PPP2R3A: variants seen among roughly 807,000 people sequenced by gnomAD.
PPP2R3A encodes the protein serine/threonine-protein phosphatase 2A regulatory subunit B'' subunit alpha.
A neutral mutation model predicts 106.9 loss-of-function variants in PPP2R3A; 80 were observed. The observed-to-expected ratio is 0.75, with a 90% CI of 0.62 to 0.90. PPP2R3A has a LOEUF of 0.90. PPP2R3A is among the 40% of genes least tolerant of loss of function. PPP2R3A has a pLI of 0.00. For missense variants in PPP2R3A, 1,386 were observed against 1,350.4 expected (o/e 1.03, Z -0.41); for synonymous variants, 483 against 468.3 (o/e 1.03, Z -0.41).
intron 1 of PPP2R3A, among the ~76,000 whole-genome samples, chr3:135,975,177 G>A (rs1937381397): frequency 1.3e-5 from 2 of 152,190 alleles, no homozygotes; most frequent in African/African-American, 4.8e-5. Flanking sequence ...CTCACTGGGT[G>A]CTGGCAGCAG....
intron 5 of PPP2R3A, among the ~76,000 whole-genome samples, chr3:136,067,170 T>A (rs112483045): frequency 0.023 from 3,530 of 152,184 alleles, 153 homozygotes; most frequent in African/African-American, 0.079. Context: ...GTTTGAAAAT[T>A]CAGAAAAATT....
chr3:136,137,221 C>G (rs1559940982), intron 13 of PPP2R3A, among the ~76,000 whole-genome samples: 1 of 152,052 alleles, frequency 6.6e-6, no homozygotes, highest in East Asian at 1.9e-4. Context: ...CTGAGACCCT[C>G]AATAATCAGA....
At chr3:136,097,081 A>T (rs1290884165) in intron 10 of PPP2R3A, among the ~76,000 whole-genome samples, 4 of 152,248 alleles carry the variant, frequency 2.6e-5, no homozygotes, top group Admixed American at 6.5e-5. Flanking sequence ...TATAGCAGAA[A>T]TCTAACACTA....
intron 3 of PPP2R3A, among the ~76,000 whole-genome samples, chr3:136,030,761 C>CAT (rs374923726): frequency 0.072 from 7,169 of 99,796 alleles, 398 homozygotes; most frequent in East Asian, 0.11. Context: ...TATTCCATCA[C>CAT]ATATATATAT....
rs370007969 is a variant in PPP2R3A, at chr3:136,147,215, T to A, written c.*2049T>A. On this transcript the variant is annotated 3_prime_UTR_variant, in exon 14 of 14. Transcript: ENST00000264977. Reference sequence around the variant, plus strand: ...GACTCCGTCTCTACAAAAAATAAATTTAGCTGGGCATGGTGGTGCACATCT... The same window carrying A: ...GACTCCGTCTCTACAAAAAATAAATATAGCTGGGCATGGTGGTGCACATCT... 1 of 152,066 alleles carries A rather than the reference T, an allele frequency of 6.6e-6. No individual in the cohort carries two copies. Among genetic ancestry groups the A allele is most frequent in the Non-Finnish European group, 1.5e-5 (1 of 68,038 alleles). The allele number at this position is 152,066 out of a possible 1,614,324, so 9.4% of individuals were successfully genotyped here. A position where few individuals can be genotyped will look rare whatever the true frequency, so the allele number is the denominator to read the frequency against.
chr3:135,981,421 G>C (rs1246692793), intron 1 of PPP2R3A, among the ~76,000 whole-genome samples: 2 of 151,726 alleles, frequency 1.3e-5, no homozygotes, highest in African/African-American at 4.9e-5. Context: ...CTCAGAAATG[G>C]TCAGTAAGGC....
At position 136,145,056 on chromosome 3, in the gene PPP2R3A, G is replaced by A; in HGVS notation, c.3343G>A (p.Glu1115Lys). The A allele has an allele frequency of 1.9e-6, 3 of 1,611,994 alleles. No homozygotes were observed. The highest frequency in any genetic ancestry group is 2.5e-6 in the Non-Finnish European group (3 of 1,179,174). Residue 1115 changes from glutamate (E) to lysine (K), a missense_variant, in exon 14 of 14, where the codon GAA becomes AAA. Transcript: ENST00000264977. Reference sequence around the variant, plus strand: ...TTGTTATTTCAGCTTTGAAGATTATGAAACAGATGAACCTGCCTCTCCCTC... The same window carrying A: ...TTGTTATTTCAGCTTTGAAGATTATAAAACAGATGAACCTGCCTCTCCCTC... The part of the protein sequence containing the change: ...AQFQEGFEDY[E>K]TDEPASPSEF...
At position 136,003,022 on chromosome 3, in the gene PPP2R3A, G is replaced by A; in HGVS notation, c.1524G>A (p.Glu508=). The A allele has an allele frequency of 6.2e-7, 1 of 1,613,482 alleles. No individual in the cohort carries two copies. The highest frequency in any genetic ancestry group is 8.5e-7 in the Non-Finnish European group (1 of 1,179,772). The change falls in exon 2 of 14, where the codon GAG becomes GAA. Residue 508 remains glutamate (E), a synonymous_variant. Transcript: ENST00000264977. ...TTACAAATTCCAGTAGCCAGGAAGA[G>A]ATAGATAAATTGTTAATGGATTTGG... ...RDFTNSSSQE[E]IDKLLMDLES...
At chr3:136,085,187 C>T (rs963596574) in intron 8 of PPP2R3A, among the ~76,000 whole-genome samples, 4 of 152,050 alleles carry the variant, frequency 2.6e-5, no homozygotes, top group Admixed American at 2.6e-4. Context: ...ATGGGAGGGA[C>T]CAGGTAGGAG....
chr3:136,066,215 C>A lies in PPP2R3A; in HGVS notation c.2470-4263C>A, dbSNP rs150511193. ...GGGAATTCTGCCAAACCTTCAACAA[C>A]CAGGTAGTTCAAATGCTCCATAAAT... On this transcript the variant is annotated intron_variant, in intron 5 of 13. Transcript: ENST00000264977. 3.1e-3 allele frequency among the ~76,000 whole-genome samples: 475 copies of A among 152,252 alleles called. 3 individuals carry two copies. The highest frequency in any genetic ancestry group is 0.011 in the African/African-American group (452 of 41,544).
chr3:136,006,333 A>C (rs1933843508), intron 2 of PPP2R3A, among the ~76,000 whole-genome samples: 3 of 152,246 alleles, frequency 2.0e-5, no homozygotes, highest in Non-Finnish European at 1.5e-5. Flanking sequence ...TGCTTAATGC[A>C]AGAAGACAAA....
chr3:136,131,636 C>G (rs1938421492), intron 13 of PPP2R3A, among the ~76,000 whole-genome samples: 1 of 152,122 alleles, frequency 6.6e-6, no homozygotes, highest in Non-Finnish European at 1.5e-5. Flanking sequence ...CTAGAATTAC[C>G]ATTTGACCCA....
chr3:136,136,613 C>T (rs1938633642), intron 13 of PPP2R3A, among the ~76,000 whole-genome samples: 1 of 152,154 alleles, frequency 6.6e-6, no homozygotes, highest in African/African-American at 2.4e-5. Flanking sequence ...TTTTCTTAGT[C>T]TTGTAGTCCC....
chr3:136,041,158 T>TA (rs541255269), intron 4 of PPP2R3A, among the ~76,000 whole-genome samples, 196 bp downstream of exon 4: 107 of 151,754 alleles, frequency 7.1e-4, no homozygotes, highest in African/African-American at 2.5e-3. Context: ...CTAACCTCTT[T>TA]AAAAAACAGT....
At chr3:135,992,224 A>G (rs1329813579) in intron 1 of PPP2R3A, among the ~76,000 whole-genome samples, 4 of 152,160 alleles carry the variant, frequency 2.6e-5, no homozygotes, top group South Asian at 2.1e-4. Context: ...AAGATTGCCT[A>G]TGTTTTCCAG....
intron 3 of PPP2R3A, among the ~76,000 whole-genome samples, chr3:136,031,982 T>C (rs773084737): frequency 1.3e-5 from 2 of 152,234 alleles, no homozygotes; most frequent in Non-Finnish European, 2.9e-5. Flanking sequence ...GCGTTGGCCA[T>C]GCGGGCTCTT....
chr3:136,065,521 C>T (rs1406055290), intron 5 of PPP2R3A, among the ~76,000 whole-genome samples: 1 of 151,984 alleles, frequency 6.6e-6, no homozygotes, highest in Non-Finnish European at 1.5e-5. Context: ...GCCTTATGTA[C>T]CCCTCACCTA....
intron 1 of PPP2R3A, among the ~76,000 whole-genome samples, chr3:135,989,103 T>G (rs1933053229): frequency 6.6e-6 from 1 of 152,126 alleles, no homozygotes; most frequent in Non-Finnish European, 1.5e-5. Context: ...AAATAAAACG[T>G]TTTTTGGAGA....
At chr3:135,991,183 A>G (rs1340249151) in intron 1 of PPP2R3A, among the ~76,000 whole-genome samples, 1 of 152,110 alleles carries the variant, frequency 6.6e-6, no homozygotes, top group Non-Finnish European at 1.5e-5. Context: ...GAGCTGCTTG[A>G]GGCAAAACCA....
Sources: allele counts gnomAD v4.1 joint callset (sites outside exome capture counted in the v4.1 genomes callset), GRCh38; gene constraint gnomAD v4.1.1; transcripts MANE v1.5; gene names NCBI Gene and HGNC (gene_info 2026-07-23, HGNC 2026-07-21).